The following MAPK13 variants were observed in gnomAD, a reference collection of about 807,000 sequenced individuals.
The protein encoded by MAPK13 is MAP kinase 13.
Under a neutral mutation model 53.5 loss-of-function variants are expected in MAPK13, and 39 were observed. The ratio of observed to expected loss-of-function variants is 0.73; its 90% CI spans 0.56 to 0.95. The LOEUF is 0.95. MAPK13 is among the 40% of genes least tolerant of loss of function. The pLI, the probability that MAPK13 is intolerant of heterozygous loss-of-function variation, is 0.00. For missense variants in MAPK13, 460 were observed against 471.8 expected (o/e 0.98, Z 0.23); for synonymous variants, 179 against 190.9 (o/e 0.94, Z 0.51).
intron 1 of MAPK13, chr6:36,131,047 G>A (rs1041738081): frequency 5.4e-6 from 3 of 558,666 alleles, no homozygotes; most frequent in East Asian, 3.1e-5. Context: ...CCGCCCTGCC[G>A]TGGATCCCGT....
rs190802310 is a variant in MAPK13 at position 36,138,399 on chromosome 6, C to T, written c.717C>T (p.Thr239=). 1.9e-4 allele frequency: 309 copies of T among 1,613,986 alleles called. No individual in the cohort carries two copies. The highest frequency in any genetic ancestry group is 2.4e-4 in the Non-Finnish European group (288 of 1,179,966). The change falls in exon 9 of 12, where the codon ACC becomes ACT. Residue 239 remains threonine, a synonymous_variant. Transcript: ENST00000211287. ...AGCTGACCCAGATCCTGAAAGTGACCGGGGTGCCTGGCACGGAGTTTGTGC... is the reference window on the plus strand; with the variant it reads ...AGCTGACCCAGATCCTGAAAGTGACTGGGGTGCCTGGCACGGAGTTTGTGC... ...LDQLTQILKV[T]GVPGTEFVQK...
chr6:36,143,419 G>C lies in MAPK13; in HGVS notation c.*4046G>C, dbSNP rs932208950. The C allele has an allele frequency of 6.6e-6, 1 of 152,366 alleles. No homozygotes were observed. Among genetic ancestry groups the C allele is most frequent in the Non-Finnish European group, 1.5e-5 (1 of 68,186 alleles). The allele number at this position is 152,366 out of a possible 1,614,324, so 9.4% of individuals were successfully genotyped here. On this transcript the variant is annotated 3_prime_UTR_variant, in exon 12 of 12. Transcript: ENST00000211287. Reference sequence around the variant, plus strand: ...TGCACGGGTGCCCGGAGCTGCCTGCGTGAGGCTGGGGGCTAGTTTGGATGA... The same window carrying C: ...TGCACGGGTGCCCGGAGCTGCCTGCCTGAGGCTGGGGGCTAGTTTGGATGA...
At position 36,141,974 on chromosome 6, in the gene MAPK13, G is replaced by A. The variant is rs1308887289; in HGVS notation, c.*2601G>A. ...CTCGCTGGTTACTAAAACTGCCCCA[G>A]GTTCCCTGAGTCTACATCCCTCTAA... is the stretch of plus-strand genomic sequence containing the variant. On this transcript the variant is annotated 3_prime_UTR_variant, in exon 12 of 12. Coordinates refer to ENST00000211287, the MANE Select transcript of MAPK13 (RefSeq NM_002754.5). The A allele has an allele frequency of 1.3e-5, 2 of 152,304 alleles. No homozygotes were observed. Among genetic ancestry groups the A allele is most frequent in the African/African-American group, 2.4e-5 (1 of 41,440 alleles). The allele number at this position is 152,304 out of a possible 1,614,324, so 9.4% of individuals were successfully genotyped here.
At position 36,139,330 on chromosome 6, in the gene MAPK13, T is replaced by C. The variant is rs202042434; in HGVS notation, c.1055T>C (p.Ile352Thr). The change falls in exon 12 of 12, where the codon ATT (isoleucine) becomes ACT (threonine). Residue 352 changes from isoleucine (I) to threonine (T), a missense_variant. Coordinates refer to ENST00000211287, the MANE Select transcript of MAPK13 (RefSeq NM_002754.5). ...IYKEIVNFSP[I>T]ARKDSRRRSG... ...AAGGAGATTGTGAACTTCAGCCCCA[T>C]TGCCCGGAAGGACTCACGGCGCCGG... 4.3e-5 allele frequency: 70 copies of C among 1,614,132 alleles called. No individual in the cohort carries two copies. The Admixed American group carries it at 1.1e-3, about 26-fold the overall frequency.
At chr6:36,134,545 A>G (rs1290536107) in intron 3 of MAPK13, among the ~76,000 whole-genome samples, 1 of 152,054 alleles carries the variant, frequency 6.6e-6, no homozygotes, top group African/African-American at 2.4e-5. Flanking sequence ...GATGCATGCC[A>G]CCATGTCCAG....
At position 36,139,034 on chromosome 6, in the gene MAPK13, C is replaced by T; in HGVS notation, c.997C>T (p.Leu333Phe). The T allele has an allele frequency of 1.2e-6, 2 of 1,604,402 alleles. No homozygotes were observed. Among genetic ancestry groups the T allele is most frequent in the Non-Finnish European group, 8.5e-7 (1 of 1,176,628 alleles). ...TGATGATTCCTTAGAACACGAGAAA[C>T]TCACAGTGGATGAATGGAAGCGTAA... Reference protein sequence around the residue: ...PFDDSLEHEKLTVDEWKQHIY... With the variant: ...PFDDSLEHEKFTVDEWKQHIY... Residue 333 changes from leucine (L) to phenylalanine (F), a missense_variant, in exon 11 of 12, where the codon CTC (leucine) becomes TTC (phenylalanine). By Grantham distance (22) the Leu-to-Phe change is conservative. Transcript: ENST00000211287.
intron 3 of MAPK13, among the ~76,000 whole-genome samples, chr6:36,134,491 C>T (rs1160974186): frequency 1.3e-5 from 2 of 152,212 alleles, no homozygotes; most frequent in Non-Finnish European, 2.9e-5. Context: ...CTCCTAGGCT[C>T]AAGCCATCCT....
In MAPK13 at chr6:36,136,024, C is replaced by G. The variant is rs1469697874; in HGVS notation, c.423C>G (p.Ile141Met). The change falls in exon 5 of 12, where the codon ATC becomes ATG. Residue 141 changes from isoleucine (I) to methionine (M), a missense_variant. Coordinates refer to ENST00000211287, the MANE Select transcript of MAPK13 (RefSeq NM_002754.5). ...CTTCTCTCTCTCCCACATAGTACAT[C>G]CACTCTGCTGGGGTCGTGCACAGGG... ...VYQMLKGLKYIHSAGVVHRDL... is the reference protein window; with the variant it reads ...VYQMLKGLKYMHSAGVVHRDL... 5.0e-6 allele frequency: 8 copies of G among 1,613,984 alleles called. No homozygotes were observed. In the South Asian group the frequency reaches 7.7e-5, roughly 16 times the overall value.
Position 36,131,288 on chromosome 6 carries a change from G to T in MAPK13, c.137G>T (p.Arg46Leu). 6.2e-7 allele frequency: 1 copy of T among 1,613,502 alleles called. No homozygotes were observed. ...CCCGACAGCTCGGCCATCGACAAGCGGTCAGGGGAGAAGGTGGCCATCAAG... is the reference window on the plus strand; with the variant it reads ...CCCGACAGCTCGGCCATCGACAAGCTGTCAGGGGAGAAGGTGGCCATCAAG... Reference protein sequence around the residue: ...YGSVCSAIDKRSGEKVAIKKL... With the variant: ...YGSVCSAIDKLSGEKVAIKKL... The change falls in exon 2 of 12, where the codon CGG becomes CTG. Residue 46 changes from arginine (R) to leucine (L), a missense_variant. Physicochemically the swap from Arg to Leu is moderately radical, Grantham distance 102. Transcript: ENST00000211287.
chr6:36,134,487 G>A (rs921301242), intron 3 of MAPK13, among the ~76,000 whole-genome samples: 3 of 152,158 alleles, frequency 2.0e-5, no homozygotes, highest in African/African-American at 4.8e-5. Context: ...CCAACTCCTA[G>A]GCTCAAGCCA....
chr6:36,135,884 G>A (rs1190430271), intron 4 of MAPK13, 23 bp downstream of exon 4: 2 of 1,601,012 alleles, frequency 1.2e-6, no homozygotes, highest in African/African-American at 1.3e-5. Flanking sequence ...TTGGAGGCTG[G>A]CAGAGGGGAC....
intron 9 of MAPK13, 67 bp downstream of exon 9, chr6:36,138,511 G>A: frequency 1.3e-6 from 2 of 1,502,608 alleles, no homozygotes; most frequent in Non-Finnish European, 1.8e-6. Context: ...CCAGTGGGCT[G>A]CAGGCCTTTG....
chr6:36,135,671 T>A, intron 3 of MAPK13, 82 bp from the exon 4 acceptor site: 1 of 931,828 alleles, frequency 1.1e-6, no homozygotes, highest in Non-Finnish European at 1.7e-6. Context: ...ACCCCTGTTC[T>A]GCCCTGAGGT....
chr6:36,137,005 C>A, intron 8 of MAPK13, 55 bp downstream of exon 8: 1 of 1,454,420 alleles, frequency 6.9e-7, no homozygotes. Context: ...CTTCAACAGA[C>A]ACTTTATTTA....
intron 11 of MAPK13, 60 bp from the exon 12 acceptor site, chr6:36,139,234 G>T: frequency 1.3e-6 from 2 of 1,519,458 alleles, no homozygotes; most frequent in Non-Finnish European, 1.8e-6. Flanking sequence ...CTCTGAAGGG[G>T]GGTGGACTTT....
chr6:36,144,156 C>T lies in MAPK13; in HGVS notation c.*4783C>T, dbSNP rs890850379. On this transcript the variant is annotated 3_prime_UTR_variant, in exon 12 of 12. Coordinates refer to ENST00000211287, the MANE Select transcript of MAPK13 (RefSeq NM_002754.5). ...TAGCTGGGACTATAGGCATGCACCACCATGCCTGGCTAATTTCAGAATAAT... is the reference window on the plus strand; with the variant it reads ...TAGCTGGGACTATAGGCATGCACCATCATGCCTGGCTAATTTCAGAATAAT... 2 of 152,094 alleles carry T rather than the reference C, an allele frequency of 1.3e-5. No individual in the cohort carries two copies. Among genetic ancestry groups the T allele is most frequent in the Non-Finnish European group, 2.9e-5 (2 of 68,026 alleles). 9.4% of individuals were successfully genotyped at this position (152,094 alleles called of 1,614,324 possible). A position where few individuals can be genotyped will look rare whatever the true frequency, so the allele number is the denominator to read the frequency against.
chr6:36,138,873 C>A lies in MAPK13; in HGVS notation c.842-6C>A. ...TGGTGTGAGGCTCTTGGCTCTGCCC[C>A]TGCAGCTGCGGACCTGCTGGAGAAG... On this transcript the variant is annotated splice_polypyrimidine_tract_variant and splice_region_variant and intron_variant, in intron 10 of 11. Coordinates refer to ENST00000211287, the MANE Select transcript of MAPK13 (RefSeq NM_002754.5). 6.2e-7 allele frequency: 1 copy of A among 1,610,690 alleles called. No individual in the cohort carries two copies. Among genetic ancestry groups the A allele is most frequent in the Non-Finnish European group, 8.5e-7 (1 of 1,178,282 alleles).
In MAPK13 at chr6:36,140,341, G is replaced by C. The variant is rs72915779; in HGVS notation, c.*968G>C. ...GCCTGGCTTGATGGCAAACCGTTCT[G>C]CTCCCTTTGGGAGATGGCACAGCTC... On this transcript the variant is annotated 3_prime_UTR_variant, in exon 12 of 12. Coordinates refer to ENST00000211287, the MANE Select transcript of MAPK13 (RefSeq NM_002754.5). 3,285 of 152,878 alleles carry C rather than the reference G, an allele frequency of 0.021. 64 individuals carry two copies. Among genetic ancestry groups the C allele is most frequent in the Non-Finnish European group, 0.035 (2,348 of 68,050 alleles). 9.5% of individuals were successfully genotyped at this position (152,878 alleles called of 1,614,324 possible).
At chr6:36,132,757 G>C in intron 3 of MAPK13, 78 bp downstream of exon 3, 1 of 1,500,130 alleles carries the variant, frequency 6.7e-7, no homozygotes, top group Non-Finnish European at 9.3e-7. Context: ...GGAGGGTCTA[G>C]GGTTTCTATT....
Sources: gnomAD v4.1 joint callset for allele counts (sites outside exome capture counted in the v4.1 genomes callset) on GRCh38, gnomAD v4.1.1 for gene constraint, MANE v1.5 for transcripts, NCBI Gene and HGNC (gene_info 2026-07-23, HGNC 2026-07-21) for gene names.